The following ARHGAP24 variants were observed in gnomAD, a reference collection of about 807,000 sequenced individuals.
The protein encoded by ARHGAP24 is rho GTPase-activating protein 24.
Under a neutral mutation model 76.4 loss-of-function variants are expected in ARHGAP24, and 50 were observed. That is an observed-to-expected ratio of 0.65 (90% CI 0.52 to 0.83). The LOEUF (loss-of-function observed/expected upper bound fraction) is 0.83, where lower values mean the gene tolerates loss of function less well. Among genes scored for constraint, ARHGAP24 ranks in the 40% least tolerant of loss-of-function variants. The pLI is 0.00. For missense variants in ARHGAP24, 930 were observed against 914.2 expected (o/e 1.02, Z -0.22); for synonymous variants, 345 against 323.3 (o/e 1.07, Z -0.72).
chr4:85,736,638 C>G (rs1288267359), intron 3 of ARHGAP24, among the ~76,000 whole-genome samples: 4 of 152,188 alleles, frequency 2.6e-5, no homozygotes, highest in African/African-American at 9.7e-5. Context: ...GCTGAACACT[C>G]AAGGAACACC....
intron 1 of ARHGAP24, among the ~76,000 whole-genome samples, chr4:85,493,789 A>G (rs1723451666): frequency 6.6e-6 from 1 of 152,222 alleles, no homozygotes; most frequent in African/African-American, 2.4e-5. Context: ...AAAAGAACGT[A>G]TCTCCTTTTT....
At chr4:85,672,626 A>G (rs1722849380) in intron 2 of ARHGAP24, among the ~76,000 whole-genome samples, 1 of 152,180 alleles carries the variant, frequency 6.6e-6, no homozygotes. Context: ...AGCACAAACC[A>G]AAAAGAGAGG....
chr4:85,703,740 T>C (rs1255083625), intron 2 of ARHGAP24, among the ~76,000 whole-genome samples: 1 of 152,166 alleles, frequency 6.6e-6, no homozygotes, highest in East Asian at 1.9e-4. Flanking sequence ...TCATTCAGTC[T>C]GTGGTAGGCT....
At position 85,942,124 on chromosome 4, in the gene ARHGAP24, T is replaced by A. The variant is rs766134562; in HGVS notation, c.450T>A (p.Arg150=). The A allele has an allele frequency of 1.2e-6, 2 of 1,614,012 alleles. No homozygotes were observed. The highest frequency in any genetic ancestry group is 4.5e-5 in the East Asian group (2 of 44,886). The change falls in exon 5 of 10, where the codon CGT becomes CGA. Residue 150 remains arginine (R), a synonymous_variant. Transcript: ENST00000395184. Reference sequence around the variant, plus strand: ...GTTATGAGAAGAGATATGGGAACCGTCTGGCTCCGATGTTGGTGGAGCAGT... The same window carrying A: ...GTTATGAGAAGAGATATGGGAACCGACTGGCTCCGATGTTGGTGGAGCAGT... ...TVRYEKRYGN[R]LAPMLVEQCV... is the part of the protein sequence containing the mutation.
chr4:85,913,964 A>G (rs1735224412), intron 3 of ARHGAP24, among the ~76,000 whole-genome samples: 1 of 152,202 alleles, frequency 6.6e-6, no homozygotes, highest in Non-Finnish European at 1.5e-5. Flanking sequence ...GGCATCAGGG[A>G]AAGAGGTATA....
At chr4:85,496,950 G>A (rs935061395) in intron 1 of ARHGAP24, among the ~76,000 whole-genome samples, 2 of 152,186 alleles carry the variant, frequency 1.3e-5, no homozygotes, top group Non-Finnish European at 2.9e-5. Context: ...GTTTACAAGT[G>A]GACAAGGAAG....
intron 3 of ARHGAP24, among the ~76,000 whole-genome samples, chr4:85,828,838 T>A (rs192466696): frequency 1.1e-3 from 173 of 152,266 alleles, no homozygotes; most frequent in Middle Eastern, 6.8e-3. Flanking sequence ...AGATACTTTT[T>A]AAATATCTAA....
rs114204435 is a variant in ARHGAP24, at chr4:85,846,671, A to G, written c.269-76977A>G. On this transcript the variant is annotated intron_variant, in intron 3 of 9. Coordinates refer to ENST00000395184, the MANE Select transcript of ARHGAP24 (RefSeq NM_001025616.3). ...CTCTACCTTGTTATCTTGGATAAAG[A>G]TAACTTGTCAGGATTCCAATACTGT... Among the ~76,000 whole-genome samples the G allele has an allele frequency of 2.5e-3, 377 of 152,330 alleles. 2 individuals are homozygous for G. The highest frequency in any genetic ancestry group is 8.7e-3 in the African/African-American group (360 of 41,584).
chr4:85,602,808 G>T (rs1038664001), intron 2 of ARHGAP24, among the ~76,000 whole-genome samples: 6 of 152,026 alleles, frequency 3.9e-5, no homozygotes, highest in African/African-American at 1.4e-4. Context: ...TTCTCTTGGC[G>T]TCCTATTCTA....
At chr4:85,607,512 C>T (rs181897999) in intron 2 of ARHGAP24, among the ~76,000 whole-genome samples, 154 of 151,996 alleles carry the variant, frequency 1.0e-3, no homozygotes, top group African/African-American at 3.4e-3. Flanking sequence ...GAATCATCTC[C>T]GTACCCCTTC....
At chr4:85,566,843 T>G (rs990832638) in intron 1 of ARHGAP24, among the ~76,000 whole-genome samples, 1 of 152,072 alleles carries the variant, frequency 6.6e-6, no homozygotes. Flanking sequence ...ATTCACAGGG[T>G]GATTAGTGAA....
intron 3 of ARHGAP24, among the ~76,000 whole-genome samples, chr4:85,915,157 C>T (rs556815331): frequency 3.1e-4 from 47 of 152,308 alleles, no homozygotes; most frequent in Non-Finnish European, 4.7e-4. Context: ...AAATTGTTAA[C>T]TTCCCAGTGT....
chr4:85,996,588 G>T (rs1740675339), intron 9 of ARHGAP24, among the ~76,000 whole-genome samples: 1 of 152,234 alleles, frequency 6.6e-6, no homozygotes, highest in African/African-American at 2.4e-5. Flanking sequence ...ACTTTCAGAA[G>T]CTATGGCAAA....
intron 3 of ARHGAP24, among the ~76,000 whole-genome samples, chr4:85,761,350 G>A (rs1474117536): frequency 6.6e-6 from 1 of 152,176 alleles, no homozygotes; most frequent in Non-Finnish European, 1.5e-5. Context: ...GGACTCAGTA[G>A]CTGAGAATGC....
chr4:85,925,110 C>T (rs1422382784), intron 4 of ARHGAP24, among the ~76,000 whole-genome samples: 4 of 152,178 alleles, frequency 2.6e-5, no homozygotes, highest in Non-Finnish European at 5.9e-5. Context: ...AGTAAGGAGT[C>T]CCCCTTTATC....
At chr4:85,806,465 C>T (rs1364336252) in intron 3 of ARHGAP24, among the ~76,000 whole-genome samples, 1 of 152,166 alleles carries the variant, frequency 6.6e-6, no homozygotes, top group Non-Finnish European at 1.5e-5. Context: ...CCTAAAATTA[C>T]ACATTCTACT....
At chr4:85,963,669 G>A (rs1738393152) in intron 5 of ARHGAP24, among the ~76,000 whole-genome samples, 1 of 151,786 alleles carries the variant, frequency 6.6e-6, no homozygotes, top group Admixed American at 6.6e-5. Flanking sequence ...AATTTACATA[G>A]GCACATTATT....
chr4:85,796,653 G>A (rs1728353759), intron 3 of ARHGAP24, among the ~76,000 whole-genome samples: 1 of 152,122 alleles, frequency 6.6e-6, no homozygotes, highest in South Asian at 2.1e-4. Context: ...TGCAGGGATT[G>A]GCTAATAAGT....
intron 2 of ARHGAP24, among the ~76,000 whole-genome samples, chr4:85,708,380 C>A (rs1871865): frequency 6.6e-6 from 1 of 151,936 alleles, no homozygotes; most frequent in Non-Finnish European, 1.5e-5. Flanking sequence ...CACTTCACAT[C>A]TATAAACTTT....
Sources: allele counts gnomAD v4.1 joint callset (sites outside exome capture counted in the v4.1 genomes callset), GRCh38; gene constraint gnomAD v4.1.1; transcripts MANE v1.5; gene names NCBI Gene and HGNC (gene_info 2026-07-23, HGNC 2026-07-21).